The following ARHGEF18 variants were observed in gnomAD, a reference collection of about 807,000 sequenced individuals.
ARHGEF18 encodes Rho/Rac guanine nucleotide exchange factor 18.
In ARHGEF18, 93 loss-of-function variants were observed where a neutral mutation model predicts 155.7. The ratio of observed to expected loss-of-function variants is 0.60; its 90% CI spans 0.50 to 0.71. ARHGEF18 has a LOEUF of 0.71. Among genes scored for constraint, ARHGEF18 ranks in the 30% least tolerant of loss-of-function variants. The probability of loss-of-function intolerance (pLI) is 0.00; values close to 1 mark genes in which losing one functional copy is unlikely to be tolerated. For synonymous variants in ARHGEF18, 742 were observed against 753.1 expected, an observed-to-expected ratio of 0.99 and a Z score of 0.24; for missense variants, 1,593 against 1,816.1, an observed-to-expected ratio of 0.88 and a Z score of 2.23.
At chr19:7,454,719 A>G (rs1227663647) in intron 17 of ARHGEF18, among the ~76,000 whole-genome samples, 2 of 152,146 alleles carry the variant, frequency 1.3e-5, no homozygotes, top group Admixed American at 1.3e-4. Context: ...GGAAGGGTGC[A>G]GTACACACCA....
Position 7,451,224 on chromosome 19 carries a change from A to G in ARHGEF18, c.1813A>G (p.Lys605Glu). The part of the protein sequence containing the change: ...CILLVTQRIT[K>E]YPVLVERIIQ... Reference sequence around the variant, plus strand: ...TCTCCTGGTTACACAACGCATAACCAAATACCCAGTGCTGGTGGAGCGCAT... The same window carrying G: ...TCTCCTGGTTACACAACGCATAACCGAATACCCAGTGCTGGTGGAGCGCAT... Residue 605 changes from lysine to glutamate, a missense_variant, in exon 16 of 29, where the codon AAA becomes GAA. Physicochemically the swap from Lys to Glu is moderately conservative, Grantham distance 56. Coordinates refer to ENST00000668164, the MANE Select transcript of ARHGEF18 (RefSeq NM_001367823.1). 6.2e-7 allele frequency: 1 copy of G among 1,605,972 alleles called. No homozygotes were observed. Among genetic ancestry groups the G allele is most frequent in the South Asian group, 1.1e-5 (1 of 90,750 alleles).
At position 7,453,568 on chromosome 19, in the gene ARHGEF18, C is replaced by T. The variant is rs775331752; in HGVS notation, c.1957C>T (p.Arg653Cys). Residue 653 changes from arginine (R) to cysteine (C), a missense_variant, in exon 17 of 29, where the codon CGC becomes TGC. By Grantham distance (180) the Arg-to-Cys change is radical (BLOSUM62 -3). Coordinates refer to ENST00000668164, the MANE Select transcript of ARHGEF18 (RefSeq NM_001367823.1). ...GGTCAGTGAGTGTGAGAAGGGCCAG[C>T]GCCTCAGGGAGATCGCAGGGAAGAT... ...AKVSECEKGQ[R>C]LREIAGKMDL... 10 of 1,613,808 alleles carry T rather than the reference C, an allele frequency of 6.2e-6. No homozygotes were observed. The highest frequency in any genetic ancestry group is 5.9e-6 in the Non-Finnish European group (7 of 1,179,914).
In ARHGEF18 at chr19:7,444,155, G is replaced by A. The variant is rs1219631458; in HGVS notation, c.1361-49G>A. On this transcript the variant is annotated intron_variant, in intron 13 of 28. Transcript: ENST00000668164. The surrounding 1 kb of genome is among the most constrained non-coding windows in gnomAD (Gnocchi z 4.7). Reference sequence around the variant, plus strand: ...CAGGCAGCACCCACGACTGCCCAGCGGGGCCGTGGAGCCAGCATGGCTAAG... The same window carrying A: ...CAGGCAGCACCCACGACTGCCCAGCAGGGCCGTGGAGCCAGCATGGCTAAG... The A allele has an allele frequency of 5.6e-6, 9 of 1,595,954 alleles. No individual in the cohort carries two copies. Among genetic ancestry groups the A allele is most frequent in the Admixed American group, 1.7e-5 (1 of 59,376 alleles).
chr19:7,372,745 G>C (rs1216201858), intron 2 of ARHGEF18, 67 bp from the exon 3 acceptor site: 6 of 1,228,666 alleles, frequency 4.9e-6, no homozygotes, highest in Non-Finnish European at 6.1e-6. Flanking sequence ...TTGTGGTCAA[G>C]AGACCCCAGG....
chr19:7,465,365 A>T (rs1976546765), intron 23 of ARHGEF18, among the ~76,000 whole-genome samples: 1 of 149,906 alleles, frequency 6.7e-6, no homozygotes, highest in Admixed American at 6.7e-5. Context: ...AGTGCCTCAC[A>T]CCCATAATCC....
At position 7,362,113 on chromosome 19, in the gene ARHGEF18, G is replaced by A. The variant is rs1409298437; in HGVS notation, c.-110-668G>A. On this transcript the variant is annotated intron_variant, in intron 1 of 28. Coordinates refer to ENST00000668164, the MANE Select transcript of ARHGEF18 (RefSeq NM_001367823.1). The stretch of plus-strand genomic sequence containing the variant: ...GGAGAAGGAGAAGGAGAAGGAGAAG[G>A]AGAAGGAGAAGGAGAAGGAGAAGGA... Among the ~76,000 whole-genome samples, 62 of 23,134 alleles carry A rather than the reference G, an allele frequency of 2.7e-3. 3 individuals carry two copies. In the East Asian group the frequency reaches 0.045, roughly 17 times the overall value. The allele number at this position is 23,134 out of a possible 152,430, so 15.2% of individuals were successfully genotyped here. A position where few individuals can be genotyped will look rare whatever the true frequency, so the allele number is the denominator to read the frequency against.
In ARHGEF18 at chr19:7,444,297, G is replaced by A. The variant is rs764008212; in HGVS notation, c.1454G>A (p.Ser485Asn). 2.8e-5 allele frequency: 45 copies of A among 1,613,728 alleles called. No individual in the cohort carries two copies. Among genetic ancestry groups the A allele is most frequent in the Non-Finnish European group, 3.8e-5 (45 of 1,180,030 alleles). ...CTGCAGGAGGAGCTGCAGTTCAGCAGCAAGGCCATTGGCCGCCTCTTCCCA... is the reference window on the plus strand; with the variant it reads ...CTGCAGGAGGAGCTGCAGTTCAGCAACAAGGCCATTGGCCGCCTCTTCCCA... ...RALQEELQFS[S>N]KAIGRLFPCA... Residue 485 changes from serine to asparagine, a missense_variant, in exon 14 of 29, where the codon AGC (serine) becomes AAC (asparagine). By Grantham distance (46) the Ser-to-Asn change is conservative. Coordinates refer to ENST00000668164, the MANE Select transcript of ARHGEF18 (RefSeq NM_001367823.1). The surrounding 1 kb of genome is among the most constrained non-coding windows in gnomAD (Gnocchi z 4.7).
At chr19:7,449,931 G>A (rs1005813852) in intron 15 of ARHGEF18, among the ~76,000 whole-genome samples, 1 of 152,050 alleles carries the variant, frequency 6.6e-6, no homozygotes, top group Non-Finnish European at 1.5e-5. Flanking sequence ...TTCCACCTTG[G>A]CCTCCCAAAG....
At chr19:7,390,518 A>AG (rs1158332615) in intron 10 of ARHGEF18, 5 of 143,492 alleles carry the variant, frequency 3.5e-5, no homozygotes, top group Admixed American at 7.0e-5. Flanking sequence ...CAAAAAAAAA[A>AG]AAAAAAGAAA....
chr19:7,441,576 G>A (rs188132686), intron 11 of ARHGEF18, 77 bp from the exon 12 acceptor site: 130 of 1,084,986 alleles, frequency 1.2e-4, no homozygotes, highest in Non-Finnish European at 1.6e-4. Context: ...TGGAGTCACC[G>A]ATGTGCCTTT....
intron 10 of ARHGEF18, among the ~76,000 whole-genome samples, chr19:7,426,481 T>G (rs1013245657): frequency 8.0e-6 from 1 of 125,080 alleles, no homozygotes; most frequent in Non-Finnish European, 1.7e-5. Flanking sequence ...AGTGAGACTC[T>G]GTCTCAAAAA....
Position 7,467,061 on chromosome 19 carries a change from C to G in ARHGEF18, c.2962-10C>G. Reference sequence around the variant, plus strand: ...GATAACTAGCATCAATCTCCCTCTCCTCTCCGCAGCTTGTCCAGCGGATCC... The same window carrying G: ...GATAACTAGCATCAATCTCCCTCTCGTCTCCGCAGCTTGTCCAGCGGATCC... On this transcript the variant is annotated splice_polypyrimidine_tract_variant and intron_variant, in intron 24 of 28. Transcript: ENST00000668164. The G allele has an allele frequency of 6.2e-7, 1 of 1,609,598 alleles. No homozygotes were observed. The highest frequency in any genetic ancestry group is 8.5e-7 in the Non-Finnish European group (1 of 1,176,934).
At chr19:7,403,222 G>A (rs1259409216) in intron 10 of ARHGEF18, among the ~76,000 whole-genome samples, 1 of 152,146 alleles carries the variant, frequency 6.6e-6, no homozygotes, top group African/African-American at 2.4e-5. Flanking sequence ...GATTACAGGC[G>A]TGAGCCCACC....
At chr19:7,408,087 T>G (rs1972449221) in intron 10 of ARHGEF18, among the ~76,000 whole-genome samples, 1 of 151,466 alleles carries the variant, frequency 6.6e-6, no homozygotes, top group African/African-American at 2.4e-5. Context: ...GAGACCAGCC[T>G]GGGTAACGTG....
chr19:7,407,983 A>AAAAAC lies in ARHGEF18; in HGVS notation c.967+24784_967+24785insCAAAA, dbSNP rs1555711562. Among the ~76,000 whole-genome samples, 23 of 141,966 alleles carry AAAAAC rather than the reference A, an allele frequency of 1.6e-4. 1 individual carries two copies. Among genetic ancestry groups the AAAAAC allele is most frequent in the African/African-American group, 6.1e-4 (20 of 32,824 alleles). The allele number at this position is 141,966 out of a possible 152,430, so 93.1% of individuals were successfully genotyped here. A position where few individuals can be genotyped will look rare whatever the true frequency, so the allele number is the denominator to read the frequency against. On this transcript the variant is annotated intron_variant, in intron 10 of 28. Coordinates refer to ENST00000668164, the MANE Select transcript of ARHGEF18 (RefSeq NM_001367823.1). ...TCTCAAAAAAAAAAAAAAAAAAAAA[A>AAAAAC]AAAAGAGGTAGTAGGCTGGGTGCAG...
At chr19:7,477,808 C>T in the ARHGEF18 span, among the ~76,000 whole-genome samples, 3 of 152,202 alleles carry the variant, frequency 2.0e-5, no homozygotes, top group African/African-American at 4.8e-5. Context: ...ATCAGGATGA[C>T]ACAGTGACGA....
In ARHGEF18 at chr19:7,440,280, G is replaced by C; in HGVS notation, c.968-64G>C. 2 of 1,567,360 alleles carry C rather than the reference G, an allele frequency of 1.3e-6. No individual in the cohort carries two copies. Among genetic ancestry groups the C allele is most frequent in the African/African-American group, 2.7e-5 (2 of 73,726 alleles). On this transcript the variant is annotated intron_variant, in intron 10 of 28. Coordinates refer to ENST00000668164, the MANE Select transcript of ARHGEF18 (RefSeq NM_001367823.1). The surrounding 1 kb of genome is among the most constrained non-coding windows in gnomAD (Gnocchi z 5.4). The stretch of plus-strand genomic sequence containing the variant: ...GCCGCAGTCGGAGCGGGGCTTCCGC[G>C]CCGGGGACCTCCGCTACCCGACCCA...
intron 10 of ARHGEF18, among the ~76,000 whole-genome samples, chr19:7,388,206 G>A (rs537681107): frequency 9.9e-5 from 15 of 152,126 alleles, no homozygotes; most frequent in African/African-American, 2.4e-4. Context: ...TAGCATTACC[G>A]TATGGAGCAC....
At chr19:7,378,054 T>C (rs1004502422) in intron 5 of ARHGEF18, among the ~76,000 whole-genome samples, 2 of 151,900 alleles carry the variant, frequency 1.3e-5, no homozygotes, top group African/African-American at 4.8e-5. Context: ...GATTGAGCCA[T>C]TGCACTCCAG....
Sources: gnomAD v4.1 joint callset for allele counts (sites outside exome capture counted in the v4.1 genomes callset) on GRCh38, gnomAD v4.1.1 for gene constraint, Gnocchi (gnomAD v3.1) non-coding constraint, MANE v1.5 for transcripts, NCBI Gene and HGNC (gene_info 2026-07-23, HGNC 2026-07-21) for gene names.